TOX: variants seen among roughly 807,000 people sequenced by gnomAD.
The protein encoded by TOX is thymocyte selection-associated high mobility group box protein TOX.
A neutral mutation model predicts 53.7 loss-of-function variants in TOX; 11 were observed. That is an observed-to-expected ratio of 0.20 (90% CI 0.13 to 0.34). The LOEUF (loss-of-function observed/expected upper bound fraction) is 0.34, where lower values mean the gene tolerates loss of function less well. Among genes scored for constraint, TOX ranks in the 10% least tolerant of loss-of-function variants. The probability of loss-of-function intolerance (pLI) is 1.00; values close to 1 mark genes in which losing one functional copy is unlikely to be tolerated. For synonymous variants in TOX, 225 were observed against 245.3 expected (o/e 0.92, Z 0.77); for missense variants, 570 against 664.6 (o/e 0.86, Z 1.56).
At chr8:58,845,435 T>C (rs898692572) in intron 4 of TOX, among the ~76,000 whole-genome samples, 1 of 152,162 alleles carries the variant, frequency 6.6e-6, no homozygotes, top group Non-Finnish European at 1.5e-5. Flanking sequence ...TTCTAAACTA[T>C]GCCATCTAAA....
chr8:58,865,434 T>C (rs150514997), intron 3 of TOX, among the ~76,000 whole-genome samples: 2,314 of 152,166 alleles, frequency 0.015, 59 homozygotes, highest in African/African-American at 0.053. Context: ...TTTTTTTTTT[T>C]AGTTTTAATT....
chr8:59,026,878 T>G lies in TOX; in HGVS notation c.103-66870A>C, dbSNP rs186886754. On this transcript the variant is annotated intron_variant, in intron 1 of 8. Coordinates refer to ENST00000361421, the MANE Select transcript of TOX (RefSeq NM_014729.3). ...ACAATTTAATACATTTATAGAATTC[T>G]TTAAAGAGAAAGAGAGAGAAAGGAA... 1.0e-4 allele frequency among the ~76,000 whole-genome samples: 15 copies of G among 145,710 alleles called. No homozygotes were observed. In the East Asian group the frequency reaches 2.2e-3, roughly 21 times the overall value.
chr8:59,090,102 A>T (rs997663839), intron 1 of TOX, among the ~76,000 whole-genome samples: 2 of 152,244 alleles, frequency 1.3e-5, no homozygotes, highest in African/African-American at 4.8e-5. Flanking sequence ...TAAAGAAGTG[A>T]CAATATTGAA....
intron 1 of TOX, among the ~76,000 whole-genome samples, chr8:59,054,313 C>T (rs150570978): frequency 2.0e-4 from 31 of 152,302 alleles, no homozygotes; most frequent in African/African-American, 6.5e-4. Context: ...GTACTCTCTC[C>T]TTCCTTTGGC....
chr8:59,051,483 T>C (rs1803787835), intron 1 of TOX, among the ~76,000 whole-genome samples: 2 of 152,106 alleles, frequency 1.3e-5, no homozygotes, highest in Admixed American at 6.5e-5. Flanking sequence ...TTTACAGTAA[T>C]TCTGATAAAG....
At chr8:58,981,297 T>C (rs1813201841) in intron 1 of TOX, among the ~76,000 whole-genome samples, 1 of 151,846 alleles carries the variant, frequency 6.6e-6, no homozygotes. Context: ...CTCTCTCTAG[T>C]CGTCGTTCCA....
intron 1 of TOX, among the ~76,000 whole-genome samples, chr8:59,076,597 T>C (rs1804296240): frequency 6.6e-6 from 1 of 152,240 alleles, no homozygotes; most frequent in Admixed American, 6.5e-5. Flanking sequence ...ATGTGACTAA[T>C]ATAATGGTTA....
chr8:59,024,821 C>T (rs1320257690), intron 1 of TOX, among the ~76,000 whole-genome samples: 2 of 151,928 alleles, frequency 1.3e-5, no homozygotes, highest in Admixed American at 6.6e-5. Context: ...TTTACAGTGA[C>T]AACATAGCCA....
intron 1 of TOX, among the ~76,000 whole-genome samples, chr8:59,008,903 G>A (rs1813844663): frequency 6.6e-6 from 1 of 152,040 alleles, no homozygotes; most frequent in African/African-American, 2.4e-5. Flanking sequence ...CACTTTTTTC[G>A]ATAGGGAGCC....
chr8:58,810,175 T>C (rs1344502416), intron 7 of TOX, among the ~76,000 whole-genome samples: 1 of 152,064 alleles, frequency 6.6e-6, no homozygotes, highest in East Asian at 1.9e-4. Flanking sequence ...TATTTATTTA[T>C]TTATTTATTG....
At chr8:58,972,531 C>T (rs539702226) in intron 1 of TOX, among the ~76,000 whole-genome samples, 3 of 152,162 alleles carry the variant, frequency 2.0e-5, no homozygotes, top group Admixed American at 6.5e-5. Context: ...TGATATGTCT[C>T]CTATAACATT....
intron 2 of TOX, among the ~76,000 whole-genome samples, chr8:58,945,260 T>C (rs1297177689): frequency 6.6e-6 from 1 of 152,232 alleles, no homozygotes; most frequent in African/African-American, 2.4e-5. Flanking sequence ...TCTAACATAC[T>C]GGCTGTGTCC....
chr8:59,111,914 AAAAC>A (rs944651073), intron 1 of TOX, among the ~76,000 whole-genome samples: 23 of 152,322 alleles, frequency 1.5e-4, no homozygotes, highest in Admixed American at 2.0e-4. Context: ...TCCCAAGCAA[AAAAC>A]AAACAAACAG....
intron 2 of TOX, among the ~76,000 whole-genome samples, chr8:58,947,067 T>G (rs1175921575): frequency 6.6e-6 from 1 of 152,160 alleles, no homozygotes; most frequent in Non-Finnish European, 1.5e-5. Context: ...TTATATATAA[T>G]AAAAAGAATT....
intron 1 of TOX, among the ~76,000 whole-genome samples, chr8:59,050,714 C>T (rs186249766): frequency 3.0e-4 from 45 of 152,124 alleles, no homozygotes; most frequent in African/African-American, 1.0e-3. Context: ...ACATTTGCAT[C>T]ACCTAACATT....
intron 1 of TOX, among the ~76,000 whole-genome samples, chr8:59,017,904 G>A (rs563789810): frequency 1.3e-5 from 2 of 152,064 alleles, no homozygotes; most frequent in African/African-American, 2.4e-5. Context: ...GTTGGTTTCC[G>A]TCTCCCTCAA....
At chr8:59,083,113 G>A (rs1290698572) in intron 1 of TOX, among the ~76,000 whole-genome samples, 2 of 152,110 alleles carry the variant, frequency 1.3e-5, no homozygotes, top group Non-Finnish European at 2.9e-5. Flanking sequence ...ACTAACCCAG[G>A]AAAGGAATCC....
At chr8:59,101,648 G>A (rs1804808717) in intron 1 of TOX, among the ~76,000 whole-genome samples, 1 of 152,120 alleles carries the variant, frequency 6.6e-6, no homozygotes, top group African/African-American at 2.4e-5. Flanking sequence ...ATTTTTATAT[G>A]CCTAAACTGA....
intron 1 of TOX, among the ~76,000 whole-genome samples, chr8:59,085,372 A>T (rs910484178): frequency 6.7e-6 from 1 of 149,058 alleles, no homozygotes; most frequent in Non-Finnish European, 1.5e-5. Flanking sequence ...ATCTGAAATC[A>T]TAATTTTCTT....
Sources: gnomAD v4.1 joint callset for allele counts (sites outside exome capture counted in the v4.1 genomes callset) on GRCh38, gnomAD v4.1.1 for gene constraint, MANE v1.5 for transcripts, NCBI Gene and HGNC (gene_info 2026-07-23, HGNC 2026-07-21) for gene names.